The following LGSN variants were observed in gnomAD, a reference collection of about 807,000 sequenced individuals.
LGSN encodes lengsin.
Under a neutral mutation model 19.5 loss-of-function variants are expected in LGSN, and 21 were observed. That is an observed-to-expected ratio of 1.07 (90% CI 0.76 to 1.55). The LOEUF is 1.55. Among genes scored for constraint, LGSN ranks in the 40% most tolerant of loss-of-function variants. The pLI is 0.00. For synonymous variants in LGSN, 257 were observed against 215.6 expected, an observed-to-expected ratio of 1.19 and a Z score of -1.68; for missense variants, 673 against 608.5, an observed-to-expected ratio of 1.11 and a Z score of -1.12.
Position 63,281,274 on chromosome 6 carries a change from G to A in LGSN, c.331-54C>T, listed in dbSNP as rs1448611094. 1.2e-5 allele frequency: 16 copies of A among 1,281,796 alleles called. No individual in the cohort carries two copies. In the South Asian group the frequency reaches 1.3e-4, roughly 10 times the overall value. The allele number at this position is 1,281,796 out of a possible 1,614,324, so 79.4% of individuals were successfully genotyped here. A position where few individuals can be genotyped will look rare whatever the true frequency, so the allele number is the denominator to read the frequency against. ...GGTTTTGAAAACAAACAAAAGGGTC[G>A]GGGGGCGGCGGGAAAGCCTTGCTAA... On this transcript the variant is annotated intron_variant, in intron 3 of 3. Coordinates refer to ENST00000370657, the MANE Select transcript of LGSN (RefSeq NM_016571.3).
the LGSN span, among the ~76,000 whole-genome samples, chr6:63,537,417 A>G: frequency 8.7e-3 from 1,327 of 152,288 alleles, 22 homozygotes; most frequent in African/African-American, 0.03. Context: ...TTTCAACACC[A>G]ATGCCCAGGC....
chr6:63,431,904 T>C, the LGSN span, among the ~76,000 whole-genome samples: 3 of 147,752 alleles, frequency 2.0e-5, no homozygotes, highest in African/African-American at 5.0e-5. Flanking sequence ...CCGACTCTAC[T>C]GAAAAAAAAA....
the LGSN span, among the ~76,000 whole-genome samples, chr6:63,350,209 T>C: frequency 4.5e-3 from 688 of 152,362 alleles, 4 homozygotes; most frequent in South Asian, 0.011. Flanking sequence ...ACTGGATTTA[T>C]AGAGTTATTC....
At chr6:63,382,616 A>G in the LGSN span, among the ~76,000 whole-genome samples, 1 of 152,172 alleles carries the variant, frequency 6.6e-6, no homozygotes, top group African/African-American at 2.4e-5. Flanking sequence ...ACTGTCTCAG[A>G]AGGACAGTCC....
chr6:63,549,598 A>G, the LGSN span: 3 of 577,136 alleles, frequency 5.2e-6, no homozygotes, highest in South Asian at 4.6e-5. Context: ...TTTATGTGAT[A>G]TATATACACA....
the LGSN span, among the ~76,000 whole-genome samples, chr6:63,528,719 C>T: frequency 1.3e-5 from 2 of 152,032 alleles, no homozygotes; most frequent in Admixed American, 1.3e-4. Flanking sequence ...GCCAAGATTG[C>T]ACCACTGTAC....
chr6:63,457,793 C>A, the LGSN span, among the ~76,000 whole-genome samples: 2 of 151,986 alleles, frequency 1.3e-5, no homozygotes, highest in African/African-American at 4.8e-5. Context: ...GCAGGAGAAT[C>A]ACTTGAAGCC....
At chr6:63,430,425 G>A in the LGSN span, among the ~76,000 whole-genome samples, 57 of 152,026 alleles carry the variant, frequency 3.7e-4, no homozygotes, top group Non-Finnish European at 6.9e-4. Flanking sequence ...GTCTTGCTCT[G>A]TCTCTCAAGC....
chr6:63,365,922 A>T, the LGSN span, among the ~76,000 whole-genome samples: 1 of 152,206 alleles, frequency 6.6e-6, no homozygotes. Flanking sequence ...TAAACTAAGT[A>T]TTGATGGGAT....
the LGSN span, among the ~76,000 whole-genome samples, chr6:63,404,640 C>T: frequency 6.6e-6 from 1 of 151,996 alleles, no homozygotes; most frequent in East Asian, 1.9e-4. Flanking sequence ...TCTCTGGCAT[C>T]CCTTTTATAA....
the LGSN span, among the ~76,000 whole-genome samples, chr6:63,468,505 G>T: frequency 6.6e-6 from 1 of 152,080 alleles, no homozygotes; most frequent in Non-Finnish European, 1.5e-5. Flanking sequence ...TCAGTTCACT[G>T]CAGCCTCTGC....
the LGSN span, among the ~76,000 whole-genome samples, chr6:63,497,835 C>T: frequency 6.6e-6 from 1 of 151,510 alleles, no homozygotes; most frequent in East Asian, 1.9e-4. Context: ...GCTGACCTAG[C>T]ATAGTTAATT....
chr6:63,383,824 G>T, the LGSN span, among the ~76,000 whole-genome samples: 1 of 152,098 alleles, frequency 6.6e-6, no homozygotes, highest in Non-Finnish European at 1.5e-5. Flanking sequence ...ATCAGAGAGG[G>T]TAAATAACTC....
At chr6:63,281,332 ATAAAT>A in intron 3 of LGSN, 112 bp from the exon 4 acceptor site, 1 of 97,596 alleles carries the variant, frequency 1.0e-5, no homozygotes, top group Non-Finnish European at 2.2e-5. Context: ...TATATATATA[ATAAAT>A]ATATATATAT....
chr6:63,554,047 G>A, the LGSN span, among the ~76,000 whole-genome samples: 1 of 152,116 alleles, frequency 6.6e-6, no homozygotes, highest in East Asian at 1.9e-4. Flanking sequence ...TATCTGAGGA[G>A]GGGAGGAGTA....
chr6:63,459,482 T>G, the LGSN span, among the ~76,000 whole-genome samples: 2 of 152,162 alleles, frequency 1.3e-5, no homozygotes, highest in Non-Finnish European at 2.9e-5. Flanking sequence ...CTTGAACTCC[T>G]GCCCTCAAGC....
the LGSN span, among the ~76,000 whole-genome samples, chr6:63,454,793 C>CTT: frequency 0.045 from 4,171 of 91,706 alleles, 482 homozygotes; most frequent in African/African-American, 0.16. Flanking sequence ...TTTTCTTTTT[C>CTT]TTTTTTTTTT....
At chr6:63,501,093 T>C in the LGSN span, among the ~76,000 whole-genome samples, 42 of 151,878 alleles carry the variant, frequency 2.8e-4, no homozygotes, top group African/African-American at 1.0e-3. Context: ...AGAGGAAGAC[T>C]GGGCCTGGTG....
intron 1 of LGSN, among the ~76,000 whole-genome samples, chr6:63,310,912 T>TC (rs1346430389): frequency 3.3e-5 from 5 of 152,218 alleles, no homozygotes. Flanking sequence ...TGGGCATTTT[T>TC]CTGCTAAAGT....
Sources: gnomAD v4.1 joint callset for allele counts (sites outside exome capture counted in the v4.1 genomes callset) on GRCh38, gnomAD v4.1.1 for gene constraint, MANE v1.5 for transcripts, NCBI Gene and HGNC (gene_info 2026-07-23, HGNC 2026-07-21) for gene names.